The following SMAP1 variants were observed in gnomAD, a reference collection of about 807,000 sequenced individuals.
The protein encoded by SMAP1 is stromal membrane-associated protein 1.
A neutral mutation model predicts 58.5 loss-of-function variants in SMAP1; 24 were observed. The ratio of observed to expected loss-of-function variants is 0.41; its 90% CI spans 0.30 to 0.58. The LOEUF is 0.58. Among genes scored for constraint, SMAP1 ranks in the 20% least tolerant of loss-of-function variants. SMAP1 has a pLI of 0.29. For synonymous variants in SMAP1, 216 were observed against 196.6 expected, an observed-to-expected ratio of 1.10 and a Z score of -0.82; for missense variants, 563 against 566.3, an observed-to-expected ratio of 0.99 and a Z score of 0.06.
At chr6:70,737,596 T>C (rs1443345871) in intron 2 of SMAP1, among the ~76,000 whole-genome samples, 1 of 152,216 alleles carries the variant, frequency 6.6e-6, no homozygotes, top group Non-Finnish European at 1.5e-5. Flanking sequence ...TACCTTTGCT[T>C]ATATCTAACT....
At chr6:70,783,001 T>C (rs1293317264) in intron 4 of SMAP1, among the ~76,000 whole-genome samples, 1 of 152,202 alleles carries the variant, frequency 6.6e-6, no homozygotes, top group Non-Finnish European at 1.5e-5. Context: ...AGTGGGTCCC[T>C]GACCCTCGAG....
intron 3 of SMAP1, among the ~76,000 whole-genome samples, chr6:70,767,745 C>T (rs979735481): frequency 7.1e-6 from 1 of 141,224 alleles, no homozygotes; most frequent in South Asian, 2.5e-4. Context: ...CCTTTATTTC[C>T]TTCTCCTGCC....
intron 1 of SMAP1, among the ~76,000 whole-genome samples, chr6:70,677,653 A>G (rs1002209390): frequency 3.4e-5 from 4 of 119,154 alleles, no homozygotes; most frequent in Admixed American, 1.7e-4. Context: ...AGTGTTTACT[A>G]TTATTATTAA....
chr6:70,781,930 C>T (rs915153889), intron 4 of SMAP1, among the ~76,000 whole-genome samples: 3 of 152,074 alleles, frequency 2.0e-5, no homozygotes, highest in Non-Finnish European at 2.9e-5. Context: ...TAGAGAAGAA[C>T]GTCTGAGCTT....
At chr6:70,703,869 C>G (rs1767736120) in intron 1 of SMAP1, among the ~76,000 whole-genome samples, 1 of 152,226 alleles carries the variant, frequency 6.6e-6, no homozygotes, top group African/African-American at 2.4e-5. Flanking sequence ...CTGGATTTAT[C>G]TTCCCTTTGC....
rs572950669 is a variant in SMAP1 at position 70,736,160 on chromosome 6, A to G, written c.252+3649A>G. ...TTAGAGCACAACATGTACAGCTGTT[A>G]GAATTGCTGTATGCTTATTTTTAAA... On this transcript the variant is annotated intron_variant, in intron 2 of 10. Transcript: ENST00000370455. Among the ~76,000 whole-genome samples, 29 of 152,318 alleles carry G rather than the reference A, an allele frequency of 1.9e-4. 1 individual carries two copies. In the East Asian group the frequency reaches 4.8e-3, roughly 25 times the overall value.
chr6:70,830,850 G>A (rs1770329239), intron 6 of SMAP1, among the ~76,000 whole-genome samples: 4 of 152,168 alleles, frequency 2.6e-5, no homozygotes, highest in Admixed American at 2.6e-4. Context: ...AATGTGCTTT[G>A]CTGTAGAAAC....
chr6:70,833,090 ACT>A (rs1770429559), intron 6 of SMAP1, among the ~76,000 whole-genome samples: 1 of 152,122 alleles, frequency 6.6e-6, no homozygotes, highest in Non-Finnish European at 1.5e-5. Flanking sequence ...AAAATTAATA[ACT>A]CTTAATGGAT....
chr6:70,782,287 C>G lies in SMAP1; in HGVS notation c.414+8862C>G, dbSNP rs144725419. Among the ~76,000 whole-genome samples, 51 of 152,304 alleles carry G rather than the reference C, an allele frequency of 3.3e-4. No homozygotes were observed. The East Asian group carries it at 9.2e-3, about 28-fold the overall frequency. ...GTATGTTAGCAAGCCAATGAACTTT[C>G]AAAGAACAATTACTGAGATTGAGCC... is the stretch of plus-strand genomic sequence containing the variant. On this transcript the variant is annotated intron_variant, in intron 4 of 10. Coordinates refer to ENST00000370455, the MANE Select transcript of SMAP1 (RefSeq NM_001044305.3).
At chr6:70,852,468 T>A (rs757183927) in intron 7 of SMAP1, 72 bp from the exon 8 acceptor site, 10 of 1,341,294 alleles carry the variant, frequency 7.5e-6, no homozygotes, top group Non-Finnish European at 9.7e-6. Flanking sequence ...ATATATCAAT[T>A]TTTAAAATAA....
intron 6 of SMAP1, among the ~76,000 whole-genome samples, chr6:70,824,358 G>GCTA (rs772411960): frequency 3.9e-4 from 60 of 152,068 alleles, no homozygotes; most frequent in Admixed American, 1.4e-3. Flanking sequence ...GGCTCACAGG[G>GCTA]CTAGCTACAT....
At chr6:70,682,803 C>T (rs540500394) in intron 1 of SMAP1, among the ~76,000 whole-genome samples, 3 of 152,156 alleles carry the variant, frequency 2.0e-5, no homozygotes, top group South Asian at 2.1e-4. Flanking sequence ...TTTGGGAGGC[C>T]GAGGTAGGCC....
intron 2 of SMAP1, among the ~76,000 whole-genome samples, chr6:70,753,185 A>G (rs148707584): frequency 0.013 from 1,990 of 152,268 alleles, 52 homozygotes; most frequent in African/African-American, 0.045. Context: ...AATACCAATT[A>G]TTAGACACCA....
intron 6 of SMAP1, among the ~76,000 whole-genome samples, chr6:70,824,018 C>CAGTT (rs748841874): frequency 5.3e-5 from 8 of 152,170 alleles, no homozygotes; most frequent in Non-Finnish European, 1.0e-4. Flanking sequence ...GAGCCTCCAG[C>CAGTT]AGTTCATCAA....
rs556778984 is a variant in SMAP1, at chr6:70,686,907, G to T, written c.118+18766G>T. ...ACAGTTCTGCACAATGAATTATTCTGCCCAAAATGCCAGTAGTGCCCTGTT... is the reference window on the plus strand; with the variant it reads ...ACAGTTCTGCACAATGAATTATTCTTCCCAAAATGCCAGTAGTGCCCTGTT... On this transcript the variant is annotated intron_variant, in intron 1 of 10. Coordinates refer to ENST00000370455, the MANE Select transcript of SMAP1 (RefSeq NM_001044305.3). Among the ~76,000 whole-genome samples, 4 of 152,274 alleles carry T rather than the reference G, an allele frequency of 2.6e-5. No homozygotes were observed. The South Asian group carries it at 6.2e-4, about 24-fold the overall frequency.
At chr6:70,830,468 C>G (rs1344719538) in intron 6 of SMAP1, among the ~76,000 whole-genome samples, 1 of 152,132 alleles carries the variant, frequency 6.6e-6, no homozygotes, top group Non-Finnish European at 1.5e-5. Flanking sequence ...TATGTGATAG[C>G]TATATTTTAA....
intron 6 of SMAP1, among the ~76,000 whole-genome samples, chr6:70,830,102 T>G (rs1386540869): frequency 6.6e-6 from 1 of 152,234 alleles, no homozygotes; most frequent in Non-Finnish European, 1.5e-5. Flanking sequence ...TTTATCTAAG[T>G]AGACTTATGT....
intron 1 of SMAP1, among the ~76,000 whole-genome samples, chr6:70,682,531 T>C (rs1309802721): frequency 6.6e-6 from 1 of 152,212 alleles, no homozygotes; most frequent in African/African-American, 2.4e-5. Context: ...TTTAAAATAA[T>C]TTAAAAGTTT....
chr6:70,776,021 C>T (rs745669681), intron 4 of SMAP1, among the ~76,000 whole-genome samples: 2 of 152,050 alleles, frequency 1.3e-5, no homozygotes, highest in African/African-American at 2.4e-5. Flanking sequence ...TGCTCACAAT[C>T]TCCTAGGATA....
Sources: allele counts gnomAD v4.1 joint callset (sites outside exome capture counted in the v4.1 genomes callset), GRCh38; gene constraint gnomAD v4.1.1; transcripts MANE v1.5; gene names NCBI Gene and HGNC (gene_info 2026-07-23, HGNC 2026-07-21).